The following SBK1 variants were observed in gnomAD, a reference collection of about 807,000 sequenced individuals.
SBK1 encodes SH3 domain binding kinase 1.
In SBK1, 11 loss-of-function variants were observed where a neutral mutation model predicts 24.4. The observed-to-expected ratio is 0.45, with a 90% CI of 0.28 to 0.75. The LOEUF (loss-of-function observed/expected upper bound fraction) is 0.75. SBK1 is among the 30% of genes least tolerant of loss of function. The probability of loss-of-function intolerance (pLI) is 0.12; values close to 1 mark genes in which losing one functional copy is unlikely to be tolerated. For missense variants in SBK1, 467 were observed against 620.5 expected, an observed-to-expected ratio of 0.75 and a Z score of 2.63; for synonymous variants, 308 against 284.4, an observed-to-expected ratio of 1.08 and a Z score of -0.83.
At chr16:28,279,645 C>T (rs1054092089) in intron 1 of SBK1, among the ~76,000 whole-genome samples, 2 of 152,106 alleles carry the variant, frequency 1.3e-5, no homozygotes, top group African/African-American at 4.8e-5. Context: ...AGAAACAGGA[C>T]AAGCAAGACA....
At chr16:28,283,992 A>G (rs987330078) in intron 1 of SBK1, among the ~76,000 whole-genome samples, 8 of 152,158 alleles carry the variant, frequency 5.3e-5, no homozygotes, top group Non-Finnish European at 1.2e-4. Flanking sequence ...TCAATACCCC[A>G]GCTCCTTTGC....
chr16:28,267,873 C>A (rs1234761836), intron 1 of SBK1, among the ~76,000 whole-genome samples: 1 of 152,176 alleles, frequency 6.6e-6, no homozygotes, highest in Non-Finnish European at 1.5e-5. Context: ...TGCGGCCAGG[C>A]GCAGTGGCTC....
chr16:28,268,045 G>A (rs975795550), intron 1 of SBK1, among the ~76,000 whole-genome samples: 13 of 152,140 alleles, frequency 8.5e-5, no homozygotes, highest in Non-Finnish European at 1.9e-4. Flanking sequence ...TACTTGGGGG[G>A]CTGAGGTGGG....
chr16:28,267,653 G>A (rs1009314122), intron 1 of SBK1, among the ~76,000 whole-genome samples: 5 of 152,310 alleles, frequency 3.3e-5, no homozygotes, highest in Middle Eastern at 3.4e-3. Flanking sequence ...AAATGAACAC[G>A]TGGTAATAAC....
intron 1 of SBK1, among the ~76,000 whole-genome samples, chr16:28,306,493 G>T (rs2141583973): frequency 6.6e-6 from 1 of 152,296 alleles, no homozygotes; most frequent in East Asian, 1.9e-4. Flanking sequence ...TTGGCATGGG[G>T]TGCCTATGTT....
chr16:28,273,405 G>A (rs1045362233), intron 1 of SBK1, among the ~76,000 whole-genome samples: 4 of 152,000 alleles, frequency 2.6e-5, no homozygotes, highest in Admixed American at 1.3e-4. Context: ...ATTTTTAGTA[G>A]AGATGGGGTT....
intron 1 of SBK1, among the ~76,000 whole-genome samples, chr16:28,276,272 C>T (rs1034808924): frequency 2.0e-5 from 3 of 152,102 alleles, no homozygotes; most frequent in African/African-American, 4.8e-5. Context: ...TGCGGAATCT[C>T]GGGCCTCACC....
chr16:28,321,277 G>T lies in SBK1; in HGVS notation c.*356G>T, dbSNP rs1047941529. 1 of 166,090 alleles carries T rather than the reference G, an allele frequency of 6.0e-6. No individual in the cohort carries two copies. Among genetic ancestry groups the T allele is most frequent in the Non-Finnish European group, 1.3e-5 (1 of 78,918 alleles). The allele number at this position is 166,090 out of a possible 1,614,324, so 10.3% of individuals were successfully genotyped here. A position where few individuals can be genotyped will look rare whatever the true frequency, so the allele number is the denominator to read the frequency against. ...GAGCTTTCGGGCCACACTCCCAGACGCCTCCCTGAGCCCTGGAACCCGGAC... is the reference window on the plus strand; with the variant it reads ...GAGCTTTCGGGCCACACTCCCAGACTCCTCCCTGAGCCCTGGAACCCGGAC... On this transcript the variant is annotated 3_prime_UTR_variant, in exon 4 of 4. Coordinates refer to ENST00000341901, the MANE Select transcript of SBK1 (RefSeq NM_001024401.3).
intron 1 of SBK1, among the ~76,000 whole-genome samples, chr16:28,303,234 C>G (rs2044691660): frequency 6.6e-6 from 1 of 151,944 alleles, no homozygotes; most frequent in Non-Finnish European, 1.5e-5. Flanking sequence ...GTAGAGGCTG[C>G]TGAGCCTGGG....
intron 1 of SBK1, among the ~76,000 whole-genome samples, chr16:28,277,547 C>T (rs1238996759): frequency 2.6e-5 from 4 of 152,216 alleles, no homozygotes; most frequent in Admixed American, 2.0e-4. Flanking sequence ...TGGTAGTGCT[C>T]GTCTGTAGTC....
chr16:28,318,182 C>A (rs554257583), intron 2 of SBK1, among the ~76,000 whole-genome samples: 2 of 152,152 alleles, frequency 1.3e-5, no homozygotes, highest in South Asian at 2.1e-4. Flanking sequence ...ATCTCCAGAG[C>A]CTTGTCGCTT....
rs2044383689 is a variant in SBK1 at position 28,259,486 on chromosome 16, G to A, written c.241G>A (p.Glu81Lys). 3.0e-6 allele frequency: 3 copies of A among 985,630 alleles called. No individual in the cohort carries two copies. Among genetic ancestry groups the A allele is most frequent in the South Asian group, 9.4e-5 (2 of 21,298 alleles). The allele number at this position is 985,630 out of a possible 1,614,324, so 61.1% of individuals were successfully genotyped here. A position where few individuals can be genotyped will look rare whatever the true frequency, so the allele number is the denominator to read the frequency against. ...GGAGGAGGAAGAGGAGCTGCTGGAA[G>A]AAGTCCCATTGCGGAGGTCAGTGCT... Residue 81 changes from glutamate (E) to lysine (K), a missense_variant, in exon 1 of 4, where the codon GAA becomes AAA. Glu to Lys is a moderately conservative substitution (Grantham distance 56). Coordinates refer to the SBK1 transcript ENST00000671413. This position sits in a 1 kb window ranked among gnomAD's most constrained non-coding sequence, Gnocchi z 6.0.
At chr16:28,283,334 C>T (rs2044545418) in intron 1 of SBK1, among the ~76,000 whole-genome samples, 1 of 152,144 alleles carries the variant, frequency 6.6e-6, no homozygotes, top group South Asian at 2.1e-4. Flanking sequence ...GGTCATGTAA[C>T]TGAAAAGTTC....
At chr16:28,261,022 G>A (rs1164164879) in intron 1 of SBK1, among the ~76,000 whole-genome samples, 7 of 152,148 alleles carry the variant, frequency 4.6e-5, no homozygotes. Context: ...TGTGGATGGT[G>A]AGGATGAGGC....
upstream of SBK1, chr16:28,291,174 G>C (rs922527206): frequency 2.6e-5 from 4 of 152,200 alleles, no homozygotes; most frequent in Non-Finnish European, 5.9e-5. Context: ...AATAGGGGCA[G>C]TCATAAAAAA....
intron 1 of SBK1, among the ~76,000 whole-genome samples, chr16:28,312,455 C>T (rs1444324247): frequency 1.3e-5 from 2 of 152,152 alleles, no homozygotes; most frequent in African/African-American, 4.8e-5. Flanking sequence ...CTGGTGGCTG[C>T]GGGAAAGAGC....
intron 1 of SBK1, among the ~76,000 whole-genome samples, chr16:28,270,806 A>G (rs935633635): frequency 6.6e-6 from 1 of 151,968 alleles, no homozygotes; most frequent in African/African-American, 2.4e-5. Context: ...CAAGAGCTCA[A>G]AAATTTTACC....
intron 1 of SBK1, among the ~76,000 whole-genome samples, chr16:28,307,201 C>T (rs1161042222): frequency 6.6e-6 from 1 of 152,156 alleles, no homozygotes; most frequent in Admixed American, 6.5e-5. Flanking sequence ...CTCAGGGAAC[C>T]CCTGTCATGT....
Position 28,292,562 on chromosome 16 carries a change from G to A in SBK1, c.-746G>A. ...GAGCGCAGCCCGGGCGGGCGCCGGGGCCGGGGCCCGAGCGCCAGGCGGAGC... is the reference window on the plus strand; with the variant it reads ...GAGCGCAGCCCGGGCGGGCGCCGGGACCGGGGCCCGAGCGCCAGGCGGAGC... On this transcript the variant is annotated 5_prime_UTR_variant, in exon 1 of 4. Transcript: ENST00000341901. 2 of 979,468 alleles carry A rather than the reference G, an allele frequency of 2.0e-6. No homozygotes were observed. The highest frequency in any genetic ancestry group is 2.4e-6 in the Non-Finnish European group (2 of 827,274). 60.7% of individuals were successfully genotyped at this position (979,468 alleles called of 1,614,324 possible). A position where few individuals can be genotyped will look rare whatever the true frequency, so the allele number is the denominator to read the frequency against.
Sources: gnomAD v4.1 joint callset for allele counts (sites outside exome capture counted in the v4.1 genomes callset) on GRCh38, gnomAD v4.1.1 for gene constraint, Gnocchi (gnomAD v3.1) non-coding constraint, MANE v1.5 for transcripts, NCBI Gene and HGNC (gene_info 2026-07-23, HGNC 2026-07-21) for gene names.